The following ZFYVE9 variants were observed in gnomAD, a reference collection of about 807,000 sequenced individuals.
ZFYVE9 encodes zinc finger FYVE domain-containing protein 9.
ZFYVE9 carries 43 observed loss-of-function variants against 126.7 expected under a neutral mutation model. That is an observed-to-expected ratio of 0.34 (90% CI 0.27 to 0.44). ZFYVE9 has a LOEUF of 0.44. Ranked by LOEUF, ZFYVE9 falls within the 20% of genes least tolerant of loss-of-function variation. ZFYVE9 has a pLI of 1.00. For synonymous variants in ZFYVE9, 521 were observed against 597.4 expected (o/e 0.87, Z 1.87); for missense variants, 1,476 against 1,697.0 (o/e 0.87, Z 2.29).
chr1:52,158,913 C>A (rs1644428686), intron 1 of ZFYVE9, among the ~76,000 whole-genome samples: 1 of 152,012 alleles, frequency 6.6e-6, no homozygotes. Context: ...CTGCCTCAGC[C>A]TCCTGAGCAG....
At chr1:52,290,277 G>A (rs1645905823) in intron 10 of ZFYVE9, among the ~76,000 whole-genome samples, 1 of 152,260 alleles carries the variant, frequency 6.6e-6, no homozygotes, top group African/African-American at 2.4e-5. Context: ...GTATAAGGGA[G>A]GGCAAACTTG....
chr1:52,184,158 C>G (rs1028660339), intron 1 of ZFYVE9, among the ~76,000 whole-genome samples: 1 of 147,882 alleles, frequency 6.8e-6, no homozygotes, highest in African/African-American at 2.5e-5. Flanking sequence ...TTTCATGGTT[C>G]TATTTGTCCT....
rs1182129951 is a variant in ZFYVE9, at chr1:52,266,751, C to G, written c.2375C>G (p.Ala792Gly). The change falls in exon 6 of 19, where the codon GCT (alanine) becomes GGT (glycine). Residue 792 changes from alanine to glycine, a missense_variant. Transcript: ENST00000287727. Reference sequence around the variant, plus strand: ...TCTACTATCCCTCCCTTGCAGCAAGCTCAGGCCTCAGGAGCTCTGAGCTCT... The same window carrying G: ...TCTACTATCCCTCCCTTGCAGCAAGGTCAGGCCTCAGGAGCTCTGAGCTCT... ...YCSTIPPLQQ[A>G]QASGALSSPP... The G allele has an allele frequency of 6.2e-7, 1 of 1,612,408 alleles. No individual in the cohort carries two copies. The highest frequency in any genetic ancestry group is 1.1e-5 in the South Asian group (1 of 90,610).
chr1:52,184,240 T>A (rs898610048), intron 1 of ZFYVE9, among the ~76,000 whole-genome samples: 1 of 146,904 alleles, frequency 6.8e-6, no homozygotes, highest in Non-Finnish European at 1.5e-5. Context: ...TATATATATT[T>A]TGAGATGGAT....
intron 1 of ZFYVE9, among the ~76,000 whole-genome samples, chr1:52,146,526 A>G (rs986451452): frequency 2.0e-5 from 3 of 152,058 alleles, no homozygotes; most frequent in Non-Finnish European, 2.9e-5. Context: ...TTAAGTCTCA[A>G]TTTTCTTTTC....
At chr1:52,174,969 C>T (rs1016469886) in intron 1 of ZFYVE9, among the ~76,000 whole-genome samples, 9 of 152,144 alleles carry the variant, frequency 5.9e-5, no homozygotes, top group Admixed American at 4.6e-4. Context: ...ATTTGCCAGT[C>T]TGTGTCTTTT....
intron 13 of ZFYVE9, among the ~76,000 whole-genome samples, chr1:52,323,119 T>C (rs1445694955): frequency 6.6e-6 from 1 of 152,204 alleles, no homozygotes; most frequent in Non-Finnish European, 1.5e-5. Context: ...TGACCTCATT[T>C]TTTATAACTA....
At chr1:52,213,793 A>G (rs1645048317) in intron 1 of ZFYVE9, among the ~76,000 whole-genome samples, 1 of 152,146 alleles carries the variant, frequency 6.6e-6, no homozygotes, top group Non-Finnish European at 1.5e-5. Context: ...GGAAAGAGTG[A>G]AGGTCTTCAA....
intron 17 of ZFYVE9, among the ~76,000 whole-genome samples, chr1:52,341,629 T>C (rs1483147264): frequency 6.6e-6 from 1 of 152,254 alleles, no homozygotes; most frequent in Non-Finnish European, 1.5e-5. Flanking sequence ...TTTGAAACTC[T>C]TATGTTTTTT....
intron 1 of ZFYVE9, among the ~76,000 whole-genome samples, chr1:52,187,802 A>G (rs1644778458): frequency 6.6e-6 from 1 of 152,206 alleles, no homozygotes; most frequent in Non-Finnish European, 1.5e-5. Flanking sequence ...TCAATTAATA[A>G]CAGATGCTGA....
chr1:52,300,682 T>G (rs1297224325), intron 12 of ZFYVE9, among the ~76,000 whole-genome samples: 1 of 150,750 alleles, frequency 6.6e-6, no homozygotes, highest in Non-Finnish European at 1.5e-5. Context: ...TATTTTCATC[T>G]GGTGTCATTT....
chr1:52,166,409 A>G (rs1206890575), intron 1 of ZFYVE9, among the ~76,000 whole-genome samples: 1 of 152,194 alleles, frequency 6.6e-6, no homozygotes, highest in Non-Finnish European at 1.5e-5. Context: ...TGAATGTTGC[A>G]ACCTGCACTT....
intron 2 of ZFYVE9, among the ~76,000 whole-genome samples, chr1:52,223,809 C>T (rs969371585): frequency 2.0e-5 from 3 of 152,054 alleles, no homozygotes; most frequent in Non-Finnish European, 4.4e-5. Flanking sequence ...GGGTCCTGGG[C>T]CAGGAATTTA....
intron 14 of ZFYVE9, 92 bp downstream of exon 14, chr1:52,333,010 A>T: frequency 6.7e-7 from 1 of 1,493,346 alleles, no homozygotes; most frequent in South Asian, 1.2e-5. Context: ...CTCACTTTCT[A>T]GATAGGTGAC....
intron 4 of ZFYVE9, among the ~76,000 whole-genome samples, chr1:52,242,464 A>G (rs926660473): frequency 1.3e-5 from 2 of 152,182 alleles, no homozygotes; most frequent in African/African-American, 4.8e-5. Context: ...CCTCAGCCCT[A>G]GAACATACGG....
chr1:52,324,075 C>A (rs1370370695), intron 13 of ZFYVE9, among the ~76,000 whole-genome samples: 2 of 149,124 alleles, frequency 1.3e-5, no homozygotes, highest in African/African-American at 5.1e-5. Flanking sequence ...AAAAAAATAA[C>A]CACAAAAAAA....
At chr1:52,180,563 C>G in intron 1 of ZFYVE9, 1 of 642,616 alleles carries the variant, frequency 1.6e-6, no homozygotes, top group Non-Finnish European at 2.8e-6. Context: ...GAGGCTGCAG[C>G]TGCTATCACT....
chr1:52,219,749 T>TTGTGTGTGTGTGTGTGTGTGTGTG (rs56340178), intron 2 of ZFYVE9, among the ~76,000 whole-genome samples: 4 of 113,344 alleles, frequency 3.5e-5, no homozygotes, highest in African/African-American at 1.4e-4. Context: ...CCAAGATCTT[T>TTGTGTGTGTGTGTGTGTGTGTGTG]TGTGTGTGTG....
intron 11 of ZFYVE9, among the ~76,000 whole-genome samples, 193 bp from the exon 12 acceptor site, chr1:52,295,702 A>AATATGGC (rs1358123956): frequency 6.6e-6 from 1 of 152,132 alleles, no homozygotes; most frequent in Non-Finnish European, 1.5e-5. Flanking sequence ...CGAAAGGCTT[A>AATATGGC]TTCTGGTTAT....
Sources: allele counts gnomAD v4.1 joint callset (sites outside exome capture counted in the v4.1 genomes callset), GRCh38; gene constraint gnomAD v4.1.1; transcripts MANE v1.5; gene names NCBI Gene and HGNC (gene_info 2026-07-23, HGNC 2026-07-21).